The following ARHGEF18 variants were observed in gnomAD, a reference collection of about 807,000 sequenced individuals.
The protein encoded by ARHGEF18 is Rho/Rac guanine nucleotide exchange factor 18, also known as rho guanine nucleotide exchange factor 18.
ARHGEF18 carries 93 observed loss-of-function variants against 155.7 expected under a neutral mutation model. The observed-to-expected ratio is 0.60, with a 90% CI of 0.50 to 0.71. ARHGEF18 has a LOEUF of 0.71. Ranked by LOEUF, ARHGEF18 falls within the 30% of genes least tolerant of loss-of-function variation. The probability of loss-of-function intolerance (pLI) is 0.00; values close to 1 mark genes in which losing one functional copy is unlikely to be tolerated. For synonymous variants in ARHGEF18, 742 were observed against 753.1 expected (o/e 0.99, Z 0.24); for missense variants, 1,593 against 1,816.1 (o/e 0.88, Z 2.23).
rs551157832 is a variant in ARHGEF18 at position 7,373,664 on chromosome 19, C to T, written c.275+593C>T. On this transcript the variant is annotated intron_variant, in intron 3 of 28. Transcript: ENST00000668164. Reference sequence around the variant, plus strand: ...CTAATGTTTGTATTTTTAGTAGAGACGGGGTTTCACCATGTTGGTCAGGCT... The same window carrying T: ...CTAATGTTTGTATTTTTAGTAGAGATGGGGTTTCACCATGTTGGTCAGGCT... Among the ~76,000 whole-genome samples, 5 of 150,546 alleles carry T rather than the reference C, an allele frequency of 3.3e-5. No individual in the cohort carries two copies. The East Asian group carries it at 9.9e-4, about 30-fold the overall frequency.
At chr19:7,453,816 G>T in intron 17 of ARHGEF18, 101 bp downstream of exon 17, 1 of 1,395,742 alleles carries the variant, frequency 7.2e-7, no homozygotes, top group Non-Finnish European at 9.4e-7. Flanking sequence ...GCACCATCTT[G>T]TATCAGTGGG....
intron 6 of ARHGEF18, among the ~76,000 whole-genome samples, chr19:7,378,684 CTTTTTTTTTT>C (rs548305968): frequency 6.8e-5 from 6 of 88,134 alleles, no homozygotes; most frequent in South Asian, 4.2e-4. Context: ...ACAATTGTGG[CTTTTTTTTTT>C]TTTTTTTTTT....
At chr19:7,478,193 C>T in the ARHGEF18 span, 1 of 1,048,642 alleles carries the variant, frequency 9.5e-7, no homozygotes. Context: ...GCTGTGATGA[C>T]TCCCCCATGA....
chr19:7,402,931 GTTATA>G (rs765127532), intron 10 of ARHGEF18, among the ~76,000 whole-genome samples: 79 of 152,264 alleles, frequency 5.2e-4, no homozygotes, highest in Non-Finnish European at 9.3e-4. Context: ...CACAATTTAT[GTTATA>G]TTATAGCAAA....
chr19:7,413,022 C>T (rs1972785682), intron 10 of ARHGEF18, among the ~76,000 whole-genome samples: 2 of 152,232 alleles, frequency 1.3e-5, no homozygotes, highest in East Asian at 1.9e-4. Flanking sequence ...CACAGTTTCC[C>T]GTGACCTTTG....
Position 7,459,177 on chromosome 19 carries a change from C to G in ARHGEF18, c.2360+487C>G, listed in dbSNP as rs144668688. On this transcript the variant is annotated intron_variant, in intron 19 of 28. Transcript: ENST00000668164. ...CTGCTGCCTCAGCCTCCCCGAGTAG[C>G]TGGGATTACAGGCGTGAGCCACTGC... 9.0e-3 allele frequency among the ~76,000 whole-genome samples: 1,367 copies of G among 152,202 alleles called. 16 individuals are homozygous for G. The highest frequency in any genetic ancestry group is 0.031 in the African/African-American group (1,304 of 41,506).
intron 10 of ARHGEF18, among the ~76,000 whole-genome samples, chr19:7,437,177 C>T (rs1816286217): frequency 6.6e-6 from 1 of 152,038 alleles, no homozygotes; most frequent in African/African-American, 2.4e-5. Context: ...GCCTGTAATC[C>T]CAGCACTTAG....
At chr19:7,379,007 G>C in intron 6 of ARHGEF18, 115 bp from the exon 7 acceptor site, 1 of 907,556 alleles carries the variant, frequency 1.1e-6, no homozygotes, top group Non-Finnish European at 1.4e-6. Context: ...GTGGCTTTGA[G>C]TAGGGTCTGC....
intron 10 of ARHGEF18, chr19:7,439,638 T>TGGTCG: frequency 9.0e-7 from 1 of 1,105,116 alleles, no homozygotes; most frequent in South Asian, 3.2e-5. Flanking sequence ...GAGCCTCGCG[T>TGGTCG]CCACTTCGAT....
the ARHGEF18 span, chr19:7,478,502 C>A: frequency 1.0e-6 from 1 of 982,514 alleles, no homozygotes; most frequent in South Asian, 1.5e-5. Context: ...TGCCCTCTCC[C>A]TGCCCCCACA....
chr19:7,375,263 C>G (rs188686809), intron 3 of ARHGEF18, among the ~76,000 whole-genome samples: 4,119 of 121,484 alleles, frequency 0.034, 246 homozygotes, highest in African/African-American at 0.13. Flanking sequence ...CAGAGTGAGA[C>G]TCTGTCTCAA....
intron 10 of ARHGEF18, among the ~76,000 whole-genome samples, chr19:7,429,942 A>G (rs11667743): frequency 0.49 from 74,556 of 151,152 alleles, 19,437 homozygotes; most frequent in Middle Eastern, 0.71. Flanking sequence ...TTTTTTTTTT[A>G]AATCGACTTG....
At chr19:7,467,856 C>T (rs1600552179) in intron 26 of ARHGEF18, among the ~76,000 whole-genome samples, 172 bp downstream of exon 26, 1 of 152,208 alleles carries the variant, frequency 6.6e-6, no homozygotes, top group African/African-American at 2.4e-5. Context: ...AGACCTTTCT[C>T]GGAGCTGGCT....
intron 3 of ARHGEF18, among the ~76,000 whole-genome samples, chr19:7,375,295 AAAGAAAGAAAAGAAAGAAAAAG>A (rs1970390196): frequency 7.1e-6 from 1 of 141,784 alleles, no homozygotes; most frequent in South Asian, 2.2e-4. Flanking sequence ...GAAAGAAAAG[AAAGAAAGAAAAGAAAGAAAAAG>A]AAAGAAAGAA....
chr19:7,383,270 T>C, intron 10 of ARHGEF18, 67 bp downstream of exon 10: 1 of 1,230,182 alleles, frequency 8.1e-7, no homozygotes, highest in Non-Finnish European at 1.0e-6. Flanking sequence ...GTCCTTTCAA[T>C]CATACTCCTG....
intron 10 of ARHGEF18, among the ~76,000 whole-genome samples, chr19:7,434,581 C>T (rs544825596): frequency 1.3e-5 from 2 of 152,148 alleles, no homozygotes; most frequent in Non-Finnish European, 2.9e-5. Flanking sequence ...TTTGCAGCTG[C>T]ACAGAAAGTG....
chr19:7,408,699 T>C (rs1972484201), intron 10 of ARHGEF18, among the ~76,000 whole-genome samples: 1 of 152,206 alleles, frequency 6.6e-6, no homozygotes, highest in South Asian at 2.1e-4. Context: ...TGTTGTGGTA[T>C]TTGCAAGCCT....
At position 7,462,836 on chromosome 19, in the gene ARHGEF18, C is replaced by CTTTTTT. The variant is rs34155241; in HGVS notation, c.2635+515_2635+520dup. On this transcript the variant is annotated intron_variant, in intron 21 of 28. Transcript: ENST00000668164. The surrounding 1 kb of genome is among the most constrained non-coding windows in gnomAD (Gnocchi z 4.4). ...AGTCTGCTCTTTCTTTTTTTCTTTTCTTTTTTTTTTTTTTTTTTGAGATGG... is the reference window on the plus strand; with the variant it reads ...AGTCTGCTCTTTCTTTTTTTCTTTTCTTTTTTTTTTTTTTTTTTTTTTTTGAGATGG... Among the ~76,000 whole-genome samples, 1 of 96,490 alleles carries CTTTTTT rather than the reference C, an allele frequency of 1.0e-5. No individual in the cohort carries two copies. The highest frequency in any genetic ancestry group is 4.4e-5 in the African/African-American group (1 of 22,520). The allele number at this position is 96,490 out of a possible 152,430, so 63.3% of individuals were successfully genotyped here. A position where few individuals can be genotyped will look rare whatever the true frequency, so the allele number is the denominator to read the frequency against.
intron 1 of ARHGEF18, among the ~76,000 whole-genome samples, chr19:7,351,234 T>C (rs1024470410): frequency 6.6e-6 from 1 of 152,236 alleles, no homozygotes; most frequent in African/African-American, 2.4e-5. Context: ...AGTCCCACCA[T>C]CTTCTGAAAT....
Sources: gnomAD v4.1 joint callset for allele counts (sites outside exome capture counted in the v4.1 genomes callset) on GRCh38, gnomAD v4.1.1 for gene constraint, Gnocchi (gnomAD v3.1) non-coding constraint, MANE v1.5 for transcripts, NCBI Gene and HGNC (gene_info 2026-07-23, HGNC 2026-07-21) for gene names.